Variants in MACROD2 observed in about 807,000 individuals in gnomAD.
MACROD2 encodes mono-ADP ribosylhydrolase 2, also known as ADP-ribose glycohydrolase MACROD2.
Under a neutral mutation model 70.4 loss-of-function variants are expected in MACROD2, and 36 were observed. The observed-to-expected ratio is 0.51, with a 90% CI of 0.39 to 0.68. MACROD2 has a LOEUF of 0.68. Among genes scored for constraint, MACROD2 ranks in the 30% least tolerant of loss-of-function variants. The probability of loss-of-function intolerance (pLI) is 0.00; values close to 1 mark genes in which losing one functional copy is unlikely to be tolerated. For synonymous variants in MACROD2, 172 were observed against 178.8 expected (o/e 0.96, Z 0.30); for missense variants, 496 against 538.4 (o/e 0.92, Z 0.78).
In MACROD2 at chr20:14,226,418, G is replaced by A. The variant is rs536522192; in HGVS notation, c.271+140690G>A. On this transcript the variant is annotated intron_variant, in intron 3 of 17. Transcript: ENST00000684519. The stretch of plus-strand genomic sequence containing the variant: ...GGCTCCCACTTTGGCGGCACTTGAG[G>A]AGCACTTCAGCCCACCGCTGCACTG... Among the ~76,000 whole-genome samples, 6 of 152,338 alleles carry A rather than the reference G, an allele frequency of 3.9e-5. No homozygotes were observed. In the East Asian group the frequency reaches 1.2e-3, roughly 29 times the overall value.
chr20:15,230,546 T>G (rs534954537), intron 6 of MACROD2, among the ~76,000 whole-genome samples: 191 of 152,306 alleles, frequency 1.3e-3, no homozygotes, highest in African/African-American at 4.4e-3. Flanking sequence ...GAAATTACTC[T>G]GCGTATGTAT....
At chr20:15,294,617 C>A (rs1172854305) in intron 6 of MACROD2, among the ~76,000 whole-genome samples, 1 of 152,184 alleles carries the variant, frequency 6.6e-6, no homozygotes, top group Non-Finnish European at 1.5e-5. Context: ...TTTTTTCCTG[C>A]CATGCTGCCT....
intron 6 of MACROD2, among the ~76,000 whole-genome samples, chr20:15,299,837 G>C (rs1449856824): frequency 6.6e-6 from 1 of 152,184 alleles, no homozygotes; most frequent in Non-Finnish European, 1.5e-5. Context: ...AACCCACCTG[G>C]GGTCTACTTG....
chr20:15,812,973 GAACT>G (rs1201651154), intron 8 of MACROD2, among the ~76,000 whole-genome samples: 5 of 152,148 alleles, frequency 3.3e-5, no homozygotes, highest in African/African-American at 4.8e-5. Context: ...CTTGGAATGT[GAACT>G]AACAGGTTCA....
chr20:14,788,440 G>T (rs1394194257), intron 5 of MACROD2, among the ~76,000 whole-genome samples: 4 of 151,752 alleles, frequency 2.6e-5, no homozygotes, highest in African/African-American at 7.3e-5. Context: ...TAAAATATTA[G>T]CCAGGTGTGA....
intron 5 of MACROD2, among the ~76,000 whole-genome samples, chr20:14,787,887 G>C (rs1053901469): frequency 6.6e-6 from 1 of 152,058 alleles, no homozygotes; most frequent in Non-Finnish European, 1.5e-5. Flanking sequence ...TGGACCACAG[G>C]ATTGGAAGCA....
intron 5 of MACROD2, among the ~76,000 whole-genome samples, chr20:15,207,649 G>A (rs1311611258): frequency 6.6e-6 from 1 of 151,610 alleles, no homozygotes; most frequent in Admixed American, 6.6e-5. Context: ...CACCGTGTTA[G>A]CCAGGATGGT....
chr20:14,243,995 AC>A lies in MACROD2; in HGVS notation c.271+158268del, dbSNP rs1319120296. On this transcript the variant is annotated intron_variant, in intron 3 of 17. Coordinates refer to ENST00000684519, the MANE Select transcript of MACROD2 (RefSeq NM_001351661.2). ...CACATCTTATTGAAGACCAAATTAG[AC>A]AGTAAGGAGGTGGTGAGTCCTTACT... is the stretch of plus-strand genomic sequence containing the variant. Among the ~76,000 whole-genome samples the A allele has an allele frequency of 9.2e-5, 14 of 152,306 alleles. No homozygotes were observed. In the South Asian group the frequency reaches 2.7e-3, roughly 29 times the overall value.
intron 10 of MACROD2, among the ~76,000 whole-genome samples, chr20:15,927,863 C>A (rs1349593715): frequency 6.6e-6 from 1 of 152,152 alleles, no homozygotes; most frequent in Non-Finnish European, 1.5e-5. Context: ...CTTCCTAAAG[C>A]CATTAAGCAG....
chr20:14,152,428 ATTTTT>A (rs5840595), intron 3 of MACROD2, among the ~76,000 whole-genome samples: 1 of 127,408 alleles, frequency 7.8e-6, no homozygotes, highest in African/African-American at 2.9e-5. Context: ...TCTCCTCTAC[ATTTTT>A]TTTTTTTTTT....
intron 3 of MACROD2, chr20:14,325,184 A>G (rs1278743016): frequency 6.3e-6 from 1 of 158,836 alleles, no homozygotes; most frequent in Admixed American, 6.4e-5. Context: ...AGGATCTCAT[A>G]TGAATGCAGT....
At chr20:15,602,484 C>G (rs1441882120) in intron 8 of MACROD2, among the ~76,000 whole-genome samples, 5 of 152,196 alleles carry the variant, frequency 3.3e-5, no homozygotes, top group Non-Finnish European at 7.3e-5. Context: ...ATCTTCATTT[C>G]AGAGTCTGCC....
intron 5 of MACROD2, among the ~76,000 whole-genome samples, chr20:15,081,637 G>A (rs766705504): frequency 4.6e-5 from 7 of 152,132 alleles, no homozygotes; most frequent in Non-Finnish European, 1.0e-4. Flanking sequence ...TGGAAGAGAG[G>A]CAGTTTCCCA....
chr20:14,608,036 T>C (rs1982917960), intron 4 of MACROD2, among the ~76,000 whole-genome samples: 1 of 152,108 alleles, frequency 6.6e-6, no homozygotes, highest in African/African-American at 2.4e-5. Context: ...GTGGATCACC[T>C]GAGGTCAGGA....
chr20:15,506,493 A>G (rs1364123597), intron 8 of MACROD2, among the ~76,000 whole-genome samples: 1 of 152,050 alleles, frequency 6.6e-6, no homozygotes. Context: ...TGCCAAGACT[A>G]TTTTTCCCCC....
At chr20:15,637,720 A>G (rs565941193) in intron 8 of MACROD2, among the ~76,000 whole-genome samples, 2 of 152,306 alleles carry the variant, frequency 1.3e-5, no homozygotes, top group African/African-American at 2.4e-5. Context: ...TACATGGATA[A>G]TGAAGGACTG....
At chr20:15,135,940 A>G (rs377525993) in intron 5 of MACROD2, among the ~76,000 whole-genome samples, 2 of 151,896 alleles carry the variant, frequency 1.3e-5, no homozygotes, top group Admixed American at 1.3e-4. Flanking sequence ...CAGCCAAATC[A>G]TGAGTGAACT....
intron 8 of MACROD2, among the ~76,000 whole-genome samples, chr20:15,845,745 T>C (rs568514232): frequency 1.3e-5 from 2 of 152,316 alleles, no homozygotes; most frequent in African/African-American, 4.8e-5. Flanking sequence ...AGTTGCTATG[T>C]GATAATTACT....
intron 7 of MACROD2, among the ~76,000 whole-genome samples, chr20:15,445,955 C>T (rs145901579): frequency 1.6e-4 from 24 of 152,250 alleles, no homozygotes; most frequent in African/African-American, 5.8e-4. Context: ...CTTCTTTGAA[C>T]TGTAGTTCCA....
Sources: gnomAD v4.1 joint callset for allele counts (sites outside exome capture counted in the v4.1 genomes callset) on GRCh38, gnomAD v4.1.1 for gene constraint, MANE v1.5 for transcripts, NCBI Gene and HGNC (gene_info 2026-07-23, HGNC 2026-07-21) for gene names.